Variants in SEC14L3 observed in about 807,000 individuals in gnomAD.
SEC14L3 encodes SEC14-like protein 3.
SEC14L3 carries 56 observed loss-of-function variants against 57.4 expected under a neutral mutation model. The observed-to-expected ratio is 0.97, with a 90% CI of 0.79 to 1.22. The LOEUF (loss-of-function observed/expected upper bound fraction) is 1.22. Ranked by LOEUF, SEC14L3 falls within the 50% of genes most tolerant of loss-of-function variation. The pLI, the probability that SEC14L3 is intolerant of heterozygous loss-of-function variation, is 0.00. For missense variants in SEC14L3, 485 were observed against 511.7 expected (o/e 0.95, Z 0.50); for synonymous variants, 173 against 194.4 (o/e 0.89, Z 0.92).
At chr22:30,470,158 T>C (rs1935557095) in intron 3 of SEC14L3, 54 bp downstream of exon 3, 3 of 1,612,252 alleles carry the variant, frequency 1.9e-6, no homozygotes. Context: ...GCTTGAGGCA[T>C]GGATTGCCCC....
intron 12 of SEC14L3, among the ~76,000 whole-genome samples, chr22:30,450,342 GT>G (rs1934957391): frequency 6.6e-6 from 1 of 151,970 alleles, no homozygotes; most frequent in African/African-American, 2.4e-5. Context: ...ATCTCTCTCT[GT>G]CCCCCAGGCT....
intron 12 of SEC14L3, among the ~76,000 whole-genome samples, chr22:30,451,808 G>A (rs1934986064): frequency 6.6e-6 from 1 of 151,724 alleles, no homozygotes; most frequent in African/African-American, 2.4e-5. Flanking sequence ...TGGCCAACAT[G>A]GCAAAACTCT....
At chr22:30,469,612 G>A (rs961707965) in intron 4 of SEC14L3, among the ~76,000 whole-genome samples, 1 of 152,338 alleles carries the variant, frequency 6.6e-6, no homozygotes, top group Non-Finnish European at 1.5e-5. Context: ...GGATGCTTTA[G>A]GCAATGCCTT....
In SEC14L3 at chr22:30,461,490, G is replaced by GA. The variant is rs200675370; in HGVS notation, c.912-12dup. 1.3e-3 allele frequency: 2,083 copies of GA among 1,611,594 alleles called. 16 individuals are homozygous for GA. The African/African-American group carries it at 0.024, about 19-fold the overall frequency. Reference sequence around the variant, plus strand: ...GATGAGAACTGCCACCTGTCAGGGGGAGGGGGAGGAGACAGGTTGCTGCTC... The same window carrying GA: ...GATGAGAACTGCCACCTGTCAGGGGGAAGGGGGAGGAGACAGGTTGCTGCTC... On this transcript the variant is annotated splice_polypyrimidine_tract_variant and intron_variant, in intron 10 of 11. Coordinates refer to ENST00000215812, the MANE Select transcript of SEC14L3 (RefSeq NM_174975.5).
At chr22:30,469,952 C>T in intron 4 of SEC14L3, 67 bp downstream of exon 4, 1 of 1,265,206 alleles carries the variant, frequency 7.9e-7, no homozygotes, top group Non-Finnish European at 1.1e-6. Flanking sequence ...GCCCCTCATT[C>T]ATGGTCCCCA....
chr22:30,453,410 CTTTCA>C (rs1481287804), intron 12 of SEC14L3, among the ~76,000 whole-genome samples: 1 of 152,092 alleles, frequency 6.6e-6, no homozygotes, highest in African/African-American at 2.4e-5. Flanking sequence ...CCACAGCCTC[CTTTCA>C]TTTATTTATT....
downstream of SEC14L3, among the ~76,000 whole-genome samples, chr22:30,454,562 A>T (rs181084806): frequency 2.7e-4 from 15 of 55,644 alleles, no homozygotes; most frequent in South Asian, 1.4e-3. Context: ...ATCTATAATA[A>T]TATTATATAT....
At chr22:30,451,430 C>A (rs1348101127) in intron 12 of SEC14L3, among the ~76,000 whole-genome samples, 4 of 152,090 alleles carry the variant, frequency 2.6e-5, no homozygotes, top group Admixed American at 6.6e-5. Flanking sequence ...CCCGGCCCCC[C>A]CTTACCAAAC....
intron 5 of SEC14L3, 42 bp from the exon 6 acceptor site, chr22:30,467,119 G>T (rs1935443154): frequency 6.2e-7 from 1 of 1,612,228 alleles, no homozygotes; most frequent in Non-Finnish European, 8.5e-7. Flanking sequence ...AGTTCAGGGT[G>T]TAGGCTTGGG....
At chr22:30,454,867 TAC>T (rs1569225339), downstream of SEC14L3, among the ~76,000 whole-genome samples, 84 of 21,230 alleles carry the variant, frequency 4.0e-3, 3 homozygotes, top group South Asian at 5.1e-3. Context: ...TATTATATAA[TAC>T]ATAATATATT....
chr22:30,455,142 T>A (rs184636996), downstream of SEC14L3, among the ~76,000 whole-genome samples: 495 of 85,590 alleles, frequency 5.8e-3, 17 homozygotes, highest in African/African-American at 0.025. Context: ...ATTTAATATT[T>A]AATATATATT....
chr22:30,453,434 A>G (rs1601808487), intron 12 of SEC14L3, among the ~76,000 whole-genome samples: 1 of 152,242 alleles, frequency 6.6e-6, no homozygotes, highest in African/African-American at 2.4e-5. Context: ...TTTTTTTGAA[A>G]TGGAGTCTCG....
chr22:30,461,507 T>C (rs1238588605), intron 10 of SEC14L3, 28 bp from the exon 11 acceptor site: 1 of 1,613,376 alleles, frequency 6.2e-7, no homozygotes, highest in African/African-American at 1.3e-5. Context: ...AGGAGACAGG[T>C]TGCTGCTCAG....
At chr22:30,450,904 G>T (rs1934968101) in intron 12 of SEC14L3, among the ~76,000 whole-genome samples, 1 of 152,226 alleles carries the variant, frequency 6.6e-6, no homozygotes, top group South Asian at 2.1e-4. Flanking sequence ...GAGGCCAAGT[G>T]ACCACCTGCT....
exon 13 of SEC14L3, chr22:30,448,983 C>T: frequency 9.3e-7 from 1 of 1,073,768 alleles, no homozygotes; most frequent in Non-Finnish European, 1.4e-6. Flanking sequence ...TTAGAAGCAG[C>T]ATGGCAAGGC....
At chr22:30,470,780 A>G (rs1935581744) in intron 1 of SEC14L3, 198 bp from the exon 2 acceptor site, 3 of 805,396 alleles carry the variant, frequency 3.7e-6, no homozygotes, top group Non-Finnish European at 3.0e-6. Context: ...TAGATGGATG[A>G]ATAAATGGTT....
chr22:30,466,638 A>C (rs1490323514), intron 6 of SEC14L3, among the ~76,000 whole-genome samples: 1 of 152,180 alleles, frequency 6.6e-6, no homozygotes, highest in African/African-American at 2.4e-5. Context: ...AATAATGACT[A>C]CTGTTGATTA....
chr22:30,455,089 T>C (rs1288088359), downstream of SEC14L3, among the ~76,000 whole-genome samples: 1 of 71,494 alleles, frequency 1.4e-5, no homozygotes, highest in Non-Finnish European at 2.4e-5. Flanking sequence ...ATTAAATATT[T>C]AATATATAAT....
rs745512625 is a variant in SEC14L3, at chr22:30,466,393, A to T, written c.521T>A (p.Phe174Tyr). 6.2e-7 allele frequency: 1 copy of T among 1,614,068 alleles called. No homozygotes were observed. Among genetic ancestry groups the T allele is most frequent in the Non-Finnish European group, 8.5e-7 (1 of 1,179,980 alleles). The change falls in exon 7 of 12, where the codon TTC becomes TAC. Residue 174 changes from phenylalanine (F) to tyrosine (Y), a missense_variant and splice_region_variant. Physicochemically the swap from Phe to Tyr is conservative, Grantham distance 22. Coordinates refer to ENST00000215812, the MANE Select transcript of SEC14L3 (RefSeq NM_174975.5). ...WKPLVEVYQE[F>Y]FGLLEENYPE... ...GTAATTCTCTTCAAGGAGGCCAAAG[A>T]ACTGTGGAACCAAGAGAGATCCCTT...
Sources: allele counts gnomAD v4.1 joint callset (sites outside exome capture counted in the v4.1 genomes callset), GRCh38; gene constraint gnomAD v4.1.1; transcripts MANE v1.5; gene names NCBI Gene and HGNC (gene_info 2026-07-23, HGNC 2026-07-21).